Variants in SMG6 observed in about 807,000 individuals in gnomAD.
SMG6 encodes SMG6 nonsense mediated mRNA decay factor.
A neutral mutation model predicts 142.2 loss-of-function variants in SMG6; 66 were observed. The ratio of observed to expected loss-of-function variants is 0.46; its 90% confidence interval spans 0.38 to 0.57. SMG6 has a LOEUF of 0.57. SMG6 is among the 20% of genes least tolerant of loss of function. The pLI is 0.00. For missense variants in SMG6, 1,793 were observed against 1,832.0 expected (o/e 0.98, Z 0.39); for synonymous variants, 779 against 702.4 (o/e 1.11, Z -1.72).
At chr17:2,220,534 A>G (rs1414589414) in intron 10 of SMG6, among the ~76,000 whole-genome samples, 3 of 152,114 alleles carry the variant, frequency 2.0e-5, no homozygotes, top group Admixed American at 6.6e-5. Context: ...GGAGGCTGAG[A>G]CAGGAGGATC....
chr17:2,290,621 T>C (rs1403592173), intron 6 of SMG6, among the ~76,000 whole-genome samples: 3 of 152,146 alleles, frequency 2.0e-5, no homozygotes, highest in African/African-American at 7.2e-5. Context: ...TCACTAAAAT[T>C]TAAAACTTCT....
At chr17:2,238,922 T>C (rs2073736447) in intron 9 of SMG6, among the ~76,000 whole-genome samples, 2 of 149,574 alleles carry the variant, frequency 1.3e-5, no homozygotes, top group Non-Finnish European at 1.5e-5. Flanking sequence ...TAACTTCAAA[T>C]GTGAGATGTG....
chr17:2,145,642 C>CAAA (rs2070644210), intron 13 of SMG6, among the ~76,000 whole-genome samples: 2 of 34,042 alleles, frequency 5.9e-5, no homozygotes, highest in Non-Finnish European at 1.0e-4. Context: ...CTCCATCTCC[C>CAAA]CAAAAAAAAA....
intron 7 of SMG6, 65 bp downstream of exon 7, chr17:2,283,560 G>T: frequency 2.3e-6 from 3 of 1,311,134 alleles, no homozygotes; most frequent in Non-Finnish European, 3.3e-6. Context: ...CAGAGCTAGG[G>T]CACACCAACA....
intron 12 of SMG6, among the ~76,000 whole-genome samples, chr17:2,175,960 A>C (rs1468681647): frequency 6.6e-6 from 1 of 152,204 alleles, no homozygotes; most frequent in Non-Finnish European, 1.5e-5. Flanking sequence ...ACAGACATGA[A>C]CACAACACAA....
intron 15 of SMG6, among the ~76,000 whole-genome samples, chr17:2,080,717 C>G (rs1037818595): frequency 1.3e-5 from 2 of 151,676 alleles, no homozygotes; most frequent in Non-Finnish European, 2.9e-5. Flanking sequence ...CTCACTGCAA[C>G]CTCCGCCTCC....
intron 13 of SMG6, among the ~76,000 whole-genome samples, chr17:2,130,747 TAA>T (rs370855097): frequency 1.4e-5 from 2 of 143,048 alleles, no homozygotes; most frequent in Non-Finnish European, 1.5e-5. Flanking sequence ...TCAAGTGGTT[TAA>T]AAAAAAAAAA....
At chr17:2,255,260 C>T (rs887732033) in intron 8 of SMG6, among the ~76,000 whole-genome samples, 8 of 150,916 alleles carry the variant, frequency 5.3e-5, no homozygotes, top group South Asian at 2.1e-4. Context: ...AAAAATTAGC[C>T]GGGCGTGGTG....
At chr17:2,100,540 A>G (rs2068977394) in intron 13 of SMG6, among the ~76,000 whole-genome samples, 1 of 152,224 alleles carries the variant, frequency 6.6e-6, no homozygotes, top group African/African-American at 2.4e-5. Flanking sequence ...TCAATGAATT[A>G]GTATTTCTTG....
intron 11 of SMG6, 67 bp from the exon 12 acceptor site, chr17:2,186,898 T>G: frequency 6.5e-7 from 1 of 1,545,960 alleles, no homozygotes; most frequent in Admixed American, 1.9e-5. Flanking sequence ...CCTGGGGCGC[T>G]GGGACGGCAG....
At chr17:2,136,357 G>C (rs1385740766) in intron 13 of SMG6, among the ~76,000 whole-genome samples, 1 of 152,134 alleles carries the variant, frequency 6.6e-6, no homozygotes, top group Non-Finnish European at 1.5e-5. Flanking sequence ...AATTTAAGTA[G>C]ACAAATGTGG....
chr17:2,100,115 G>A (rs2151471058), intron 13 of SMG6, among the ~76,000 whole-genome samples: 1 of 149,246 alleles, frequency 6.7e-6, no homozygotes, highest in South Asian at 2.1e-4. Flanking sequence ...TTGGCTCACT[G>A]AAATCTCCAC....
chr17:2,221,701 T>C (rs562853147), intron 10 of SMG6, among the ~76,000 whole-genome samples: 1 of 152,380 alleles, frequency 6.6e-6, no homozygotes, highest in East Asian at 1.9e-4. Context: ...CAGATGCCCC[T>C]GCCCTTGCCA....
At chr17:2,217,546 T>C (rs1186092517) in intron 10 of SMG6, among the ~76,000 whole-genome samples, 1 of 151,930 alleles carries the variant, frequency 6.6e-6, no homozygotes, top group Non-Finnish European at 1.5e-5. Context: ...CTGGGCAGGA[T>C]TTTTCTATTC....
chr17:2,084,931 C>T (rs1046532401), intron 14 of SMG6, among the ~76,000 whole-genome samples: 2 of 152,216 alleles, frequency 1.3e-5, no homozygotes, highest in Non-Finnish European at 2.9e-5. Flanking sequence ...CTCACAACCA[C>T]TCAGAACCCA....
intron 12 of SMG6, among the ~76,000 whole-genome samples, chr17:2,174,552 CG>C (rs958020656): frequency 6.6e-6 from 1 of 152,122 alleles, no homozygotes; most frequent in African/African-American, 2.4e-5. Flanking sequence ...GGGAACCAGA[CG>C]GAACACAGCC....
At chr17:2,094,946 G>A (rs1417405636) in intron 13 of SMG6, 1 of 152,162 alleles carries the variant, frequency 6.6e-6, no homozygotes, top group Admixed American at 6.5e-5. Context: ...CATTCTCAGC[G>A]GCAAAAGCGT....
At chr17:2,181,945 G>A (rs2071819194) in intron 12 of SMG6, among the ~76,000 whole-genome samples, 1 of 152,226 alleles carries the variant, frequency 6.6e-6, no homozygotes, top group Non-Finnish European at 1.5e-5. Flanking sequence ...GAGACATGCT[G>A]CGTGAGAGAG....
intron 8 of SMG6, chr17:2,255,745 G>C (rs533400635): frequency 1.5e-5 from 3 of 197,562 alleles, no homozygotes; most frequent in Admixed American, 6.0e-5. Flanking sequence ...ATAGAAAGGG[G>C]GGAAAGGTGG....
Sources: allele counts gnomAD v4.1 joint callset (sites outside exome capture counted in the v4.1 genomes callset), GRCh38; gene constraint gnomAD v4.1.1; transcripts MANE v1.5; gene names NCBI Gene and HGNC (gene_info 2026-07-23, HGNC 2026-07-21).